Variants in FAM178B observed in about 807,000 individuals in gnomAD.
FAM178B encodes protein FAM178B.
FAM178B carries 82 observed loss-of-function variants against 91.7 expected under a neutral mutation model. The ratio of observed to expected loss-of-function variants is 0.89; its 90% CI spans 0.75 to 1.07. The LOEUF is 1.07. Ranked by LOEUF, FAM178B falls within the 50% of genes least tolerant of loss-of-function variation. FAM178B has a pLI of 0.00. For synonymous variants in FAM178B, 368 were observed against 359.4 expected, an observed-to-expected ratio of 1.02 and a Z score of -0.27; for missense variants, 769 against 846.7, an observed-to-expected ratio of 0.91 and a Z score of 1.14.
At chr2:96,949,877 G>A (rs960945195) in intron 7 of FAM178B, 4 of 595,736 alleles carry the variant, frequency 6.7e-6, no homozygotes, top group Admixed American at 6.3e-5. Flanking sequence ...CTCCACATGG[G>A]CCCATCAGGC....
intron 12 of FAM178B, among the ~76,000 whole-genome samples, chr2:96,906,258 G>A (rs2081053936): frequency 7.0e-6 from 1 of 142,744 alleles, no homozygotes; most frequent in African/African-American, 2.6e-5. Context: ...CTGGAGTGCA[G>A]TGGCGGCATC....
At chr2:96,950,958 A>G (rs2081916124) in intron 7 of FAM178B, among the ~76,000 whole-genome samples, 1 of 152,078 alleles carries the variant, frequency 6.6e-6, no homozygotes, top group Non-Finnish European at 1.5e-5. Flanking sequence ...GGGATGAGGG[A>G]CCTGTGATCG....
chr2:96,979,064 C>T (rs1225326572), intron 1 of FAM178B, among the ~76,000 whole-genome samples: 1 of 148,240 alleles, frequency 6.7e-6, no homozygotes, highest in Non-Finnish European at 1.5e-5. Context: ...GCAACCTCCA[C>T]CTCCCAGGTT....
At chr2:96,968,422 C>T (rs1341971324) in intron 4 of FAM178B, among the ~76,000 whole-genome samples, 1 of 152,126 alleles carries the variant, frequency 6.6e-6, no homozygotes, top group Non-Finnish European at 1.5e-5. Flanking sequence ...TGTCCTTGCG[C>T]CCAGGCTGTG....
chr2:96,928,695 ACAGGCTCATC>A (rs1033161047), intron 9 of FAM178B, among the ~76,000 whole-genome samples: 1 of 152,116 alleles, frequency 6.6e-6, no homozygotes, highest in African/African-American at 2.4e-5. Context: ...AGTGCCAAAA[ACAGGCTCATC>A]CATCCTGGGG....
intron 8 of FAM178B, among the ~76,000 whole-genome samples, chr2:96,940,958 G>C (rs2081719364): frequency 6.6e-6 from 1 of 152,210 alleles, no homozygotes; most frequent in Non-Finnish European, 1.5e-5. Flanking sequence ...GACCTGCCTT[G>C]TGCAGGCTGT....
At chr2:96,907,535 AGCCAGGCCAGGCTAG>A (rs1427847947) in intron 12 of FAM178B, among the ~76,000 whole-genome samples, 1 of 152,224 alleles carries the variant, frequency 6.6e-6, no homozygotes, top group Non-Finnish European at 1.5e-5. Context: ...GGCGTGCACC[AGCCAGGCCAGGCTAG>A]GCCAGGCCAG....
rs570746307 is a variant in FAM178B at position 96,979,342 on chromosome 2, C to T, written c.74-6736G>A. 1.1e-4 allele frequency among the ~76,000 whole-genome samples: 16 copies of T among 139,734 alleles called. No homozygotes were observed. The South Asian group carries it at 2.0e-3, about 18-fold the overall frequency. The allele number at this position is 139,734 out of a possible 152,430, so 91.7% of individuals were successfully genotyped here. A position where few individuals can be genotyped will look rare whatever the true frequency, so the allele number is the denominator to read the frequency against. On this transcript the variant is annotated intron_variant, in intron 1 of 16. Transcript: ENST00000490605. The stretch of plus-strand genomic sequence containing the variant: ...TCATCCAGGCTGGAGTGCAGTGGTA[C>T]GATCTTCACTCACTGCAACCTCAAT...
chr2:96,928,219 G>T (rs1040443229), intron 9 of FAM178B, among the ~76,000 whole-genome samples: 2 of 152,152 alleles, frequency 1.3e-5, no homozygotes, highest in African/African-American at 2.4e-5. Context: ...GGAAGCATGG[G>T]GGGAAGTCCT....
intron 5 of FAM178B, among the ~76,000 whole-genome samples, chr2:96,965,715 C>T (rs1420964287): frequency 5.9e-5 from 9 of 152,174 alleles, no homozygotes; most frequent in African/African-American, 2.2e-4. Flanking sequence ...AATCCTCCTG[C>T]CTTGGCCTCC....
intron 8 of FAM178B, among the ~76,000 whole-genome samples, chr2:96,933,919 T>C (rs954820471): frequency 3.9e-5 from 6 of 152,088 alleles, no homozygotes; most frequent in Admixed American, 3.3e-4. Context: ...TACGGGAGGC[T>C]TAAAATCCAA....
chr2:96,917,142 G>A (rs893749599), intron 12 of FAM178B, among the ~76,000 whole-genome samples: 24 of 152,212 alleles, frequency 1.6e-4, no homozygotes, highest in Non-Finnish European at 3.2e-4. Context: ...GGCCAGCCAG[G>A]TGGCTCTGGC....
At chr2:96,951,521 G>T in intron 6 of FAM178B, 37 bp from the exon 7 acceptor site, 1 of 1,486,586 alleles carries the variant, frequency 6.7e-7, no homozygotes, top group Non-Finnish European at 9.2e-7. Context: ...GGAGGCCTCT[G>T]TGCCAGCACA....
intron 14 of FAM178B, among the ~76,000 whole-genome samples, chr2:96,889,676 T>TTAAATAAA (rs1559052444): frequency 1.0e-5 from 1 of 98,060 alleles, no homozygotes; most frequent in African/African-American, 4.3e-5. Flanking sequence ...AGACTCTGTC[T>TTAAATAAA]CAAATAAATA....
intron 14 of FAM178B, among the ~76,000 whole-genome samples, chr2:96,880,173 G>A (rs1210698911): frequency 6.6e-6 from 1 of 152,204 alleles, no homozygotes; most frequent in Admixed American, 6.5e-5. Flanking sequence ...GGGGGATGGC[G>A]AGTACAACTT....
At chr2:96,947,770 G>A (rs535555358) in intron 8 of FAM178B, 48 bp downstream of exon 8, 2 of 1,117,460 alleles carry the variant, frequency 1.8e-6, no homozygotes, top group African/African-American at 1.6e-5. Context: ...CGTATCACAG[G>A]CTTGGGAGCT....
chr2:96,878,308 T>C lies in FAM178B; in HGVS notation c.1854+108A>G, dbSNP rs1173836517. The C allele has an allele frequency of 2.2e-5, 24 of 1,080,252 alleles. No individual in the cohort carries two copies. In the East Asian group the frequency reaches 5.1e-4, roughly 23 times the overall value. 66.9% of individuals were successfully genotyped at this position (1,080,252 alleles called of 1,614,324 possible). A position where few individuals can be genotyped will look rare whatever the true frequency, so the allele number is the denominator to read the frequency against. Reference sequence around the variant, plus strand: ...GCTTCCCTCTCAGCCTCCCACTCTCTGCAGTTCCTAACAGTGGGCTGGGCG... The same window carrying C: ...GCTTCCCTCTCAGCCTCCCACTCTCCGCAGTTCCTAACAGTGGGCTGGGCG... On this transcript the variant is annotated intron_variant, in intron 15 of 16. Transcript: ENST00000490605.
intron 6 of FAM178B, among the ~76,000 whole-genome samples, chr2:96,959,257 G>T (rs4402810): frequency 6.7e-6 from 1 of 150,066 alleles, no homozygotes; most frequent in African/African-American, 2.5e-5. Flanking sequence ...TTGGTAGGCA[G>T]AGGTTGAGAG....
At chr2:96,956,054 G>A (rs147869473) in intron 6 of FAM178B, among the ~76,000 whole-genome samples, 136 of 152,320 alleles carry the variant, frequency 8.9e-4, no homozygotes, top group African/African-American at 3.1e-3. Flanking sequence ...TGCACCCAGA[G>A]GACAAACGCA....
Sources: gnomAD v4.1 joint callset for allele counts (sites outside exome capture counted in the v4.1 genomes callset) on GRCh38, gnomAD v4.1.1 for gene constraint, MANE v1.5 for transcripts, NCBI Gene and HGNC (gene_info 2026-07-23, HGNC 2026-07-21) for gene names.